Variants in MTUS2 observed in about 807,000 individuals in gnomAD.
The protein encoded by MTUS2 is microtubule-associated tumor suppressor candidate 2.
A neutral mutation model predicts 114.1 loss-of-function variants in MTUS2; 40 were observed. The ratio of observed to expected loss-of-function variants is 0.35; its 90% confidence interval spans 0.27 to 0.46. The LOEUF (loss-of-function observed/expected upper bound fraction) is 0.46, where lower values mean the gene tolerates loss of function less well. Ranked by LOEUF, MTUS2 falls within the 20% of genes least tolerant of loss-of-function variation. The pLI is 1.00. For synonymous variants in MTUS2, 688 were observed against 672.0 expected (o/e 1.02, Z -0.37); for missense variants, 1,679 against 1,705.4 (o/e 0.98, Z 0.27).
At chr13:29,107,073 C>A (rs1179684845) in intron 5 of MTUS2, among the ~76,000 whole-genome samples, 2 of 152,144 alleles carry the variant, frequency 1.3e-5, no homozygotes, top group African/African-American at 4.8e-5. Context: ...TCCCTACCCG[C>A]ACCACCTGCC....
intron 8 of MTUS2, among the ~76,000 whole-genome samples, chr13:29,426,229 G>A (rs1490915524): frequency 1.3e-5 from 2 of 152,084 alleles, no homozygotes; most frequent in Non-Finnish European, 2.9e-5. Context: ...CAAAAGATTC[G>A]CCATCTTAAC....
intron 8 of MTUS2, among the ~76,000 whole-genome samples, chr13:29,407,119 G>A (rs370283191): frequency 0.019 from 2,823 of 151,896 alleles, 72 homozygotes; most frequent in African/African-American, 0.058. Context: ...GGTGGTGGGC[G>A]CCTGTAATCC....
chr13:29,029,162 C>T (rs572065777), intron 3 of MTUS2, among the ~76,000 whole-genome samples: 6 of 152,294 alleles, frequency 3.9e-5, no homozygotes, highest in African/African-American at 1.4e-4. Flanking sequence ...TCTGGGCCTG[C>T]CAACAGGCCT....
At chr13:28,841,694 G>GT (rs1221305141) in intron 2 of MTUS2, among the ~76,000 whole-genome samples, 85 of 147,230 alleles carry the variant, frequency 5.8e-4, no homozygotes, top group East Asian at 2.2e-3. Context: ...TTGTTTTTTT[G>GT]TTTTTTTTTT....
intron 2 of MTUS2, among the ~76,000 whole-genome samples, chr13:28,906,190 C>G (rs1421769351): frequency 1.3e-5 from 2 of 151,274 alleles, no homozygotes; most frequent in East Asian, 3.9e-4. Flanking sequence ...TTTTGTTGAT[C>G]TTTTCAAAAA....
intron 5 of MTUS2, among the ~76,000 whole-genome samples, chr13:29,108,716 G>C (rs1393547698): frequency 1.3e-5 from 2 of 152,200 alleles, no homozygotes; most frequent in East Asian, 1.9e-4. Flanking sequence ...TGGTGGGCAG[G>C]GGAGGGAGGA....
chr13:29,306,180 C>A (rs1899447539), intron 6 of MTUS2, among the ~76,000 whole-genome samples: 1 of 152,170 alleles, frequency 6.6e-6, no homozygotes, highest in African/African-American at 2.4e-5. Flanking sequence ...CAGTCAATAT[C>A]CTACTGAATA....
At chr13:28,841,542 T>C (rs918503373) in intron 2 of MTUS2, among the ~76,000 whole-genome samples, 1 of 152,014 alleles carries the variant, frequency 6.6e-6, no homozygotes, top group African/African-American at 2.4e-5. Flanking sequence ...AAAGATGCCA[T>C]GCTGTGGACA....
chr13:28,825,975 G>A lies in MTUS2; in HGVS notation c.-316+5364G>A, dbSNP rs1427421549. The stretch of plus-strand genomic sequence containing the variant: ...CTCTTACTTTGCAAGCTTCTCTCAC[G>A]TGCCCTATTGTATTTGGAAAATGGG... On this transcript the variant is annotated intron_variant, in intron 1 of 15. Coordinates refer to ENST00000612955, the MANE Select transcript of MTUS2 (RefSeq NM_001033602.4). Among the ~76,000 whole-genome samples the A allele has an allele frequency of 3.9e-5, 6 of 152,224 alleles. No homozygotes were observed. In the South Asian group the frequency reaches 8.3e-4, roughly 21 times the overall value.
rs577170163 is a variant in MTUS2, at chr13:28,847,480, G to A, written c.-243+7630G>A. 2.0e-4 allele frequency among the ~76,000 whole-genome samples: 31 copies of A among 152,168 alleles called. No individual in the cohort carries two copies. The East Asian group carries it at 5.6e-3, about 28-fold the overall frequency. ...TCAGTGGGATGTCAGGCCTGGATTC[G>A]TCTAGAGGACACTGAGGATAACTTA... On this transcript the variant is annotated intron_variant, in intron 2 of 15. Coordinates refer to ENST00000612955, the MANE Select transcript of MTUS2 (RefSeq NM_001033602.4).
At chr13:29,059,278 G>A (rs1311867363) in intron 4 of MTUS2, among the ~76,000 whole-genome samples, 1 of 130,514 alleles carries the variant, frequency 7.7e-6, no homozygotes, top group African/African-American at 2.9e-5. Flanking sequence ...GCCTTTGGGT[G>A]TTTGATTATG....
chr13:29,486,220 G>A (rs953275735), intron 10 of MTUS2, among the ~76,000 whole-genome samples: 14 of 152,266 alleles, frequency 9.2e-5, no homozygotes, highest in African/African-American at 3.1e-4. Flanking sequence ...TGTGCACCAC[G>A]TCCGTTCTCA....
chr13:29,454,626 G>A (rs1452282379), intron 9 of MTUS2, among the ~76,000 whole-genome samples: 1 of 151,906 alleles, frequency 6.6e-6, no homozygotes, highest in African/African-American at 2.4e-5. Flanking sequence ...GGAAACGCAG[G>A]AATCAGTGAA....
chr13:29,064,729 G>C (rs888622467), intron 4 of MTUS2, among the ~76,000 whole-genome samples: 1 of 152,030 alleles, frequency 6.6e-6, no homozygotes, highest in Non-Finnish European at 1.5e-5. Context: ...TGTCACCCAG[G>C]TACTAAGCCT....
chr13:28,913,597 T>C (rs947569757), intron 2 of MTUS2, among the ~76,000 whole-genome samples: 2 of 151,782 alleles, frequency 1.3e-5, no homozygotes, highest in Non-Finnish European at 3.0e-5. Flanking sequence ...ATCTCTGATA[T>C]CTAGTTTGGT....
At chr13:28,821,559 A>C (rs531559459) in intron 1 of MTUS2, among the ~76,000 whole-genome samples, 15 of 152,148 alleles carry the variant, frequency 9.9e-5, no homozygotes, top group Non-Finnish European at 2.1e-4. Context: ...TATTTTTTTC[A>C]GGTAAAAATA....
chr13:29,277,907 G>A (rs1898125827), intron 5 of MTUS2, among the ~76,000 whole-genome samples: 1 of 152,204 alleles, frequency 6.6e-6, no homozygotes, highest in African/African-American at 2.4e-5. Flanking sequence ...CAAGGCAGCA[G>A]CCCATCCAGA....
chr13:29,346,744 G>A (rs4238119), intron 7 of MTUS2, among the ~76,000 whole-genome samples: 112,077 of 144,236 alleles, frequency 0.78, 47,342 homozygotes, highest in East Asian at 0.9. Context: ...TCTCCCTGTG[G>A]TCTTTCCCCA....
At chr13:29,173,685 A>G (rs1893654291) in intron 5 of MTUS2, among the ~76,000 whole-genome samples, 1 of 152,150 alleles carries the variant, frequency 6.6e-6, no homozygotes, top group Admixed American at 6.6e-5. Context: ...AAGATGATGA[A>G]TTATTTGAAC....
Sources: allele counts gnomAD v4.1 joint callset (sites outside exome capture counted in the v4.1 genomes callset), GRCh38; gene constraint gnomAD v4.1.1; transcripts MANE v1.5; gene names NCBI Gene and HGNC (gene_info 2026-07-23, HGNC 2026-07-21).